Variants in PLXNA2 observed in about 807,000 individuals in gnomAD.
PLXNA2 encodes the protein plexin A2.
Under a neutral mutation model 193.5 loss-of-function variants are expected in PLXNA2, and 91 were observed. The ratio of observed to expected loss-of-function variants is 0.47; its 90% confidence interval spans 0.40 to 0.56. The LOEUF is 0.56. PLXNA2 is among the 20% of genes least tolerant of loss of function. The pLI, the probability that PLXNA2 is intolerant of heterozygous loss-of-function variation, is 0.00. For missense variants in PLXNA2, 1,995 were observed against 2,503.2 expected, an observed-to-expected ratio of 0.80 and a Z score of 4.33; for synonymous variants, 997 against 1,027.3, an observed-to-expected ratio of 0.97 and a Z score of 0.56.
At chr1:208,129,468 C>G (rs113145374) in intron 4 of PLXNA2, among the ~76,000 whole-genome samples, 1 of 152,208 alleles carries the variant, frequency 6.6e-6, no homozygotes, top group African/African-American at 2.4e-5. Flanking sequence ...GGCTGCTCAC[C>G]TGCATGCTGC....
At position 208,194,612 on chromosome 1, in the gene PLXNA2, G is replaced by C. The variant is rs145351025; in HGVS notation, c.1371+15668C>G. Among the ~76,000 whole-genome samples, 543 of 152,008 alleles carry C rather than the reference G, an allele frequency of 3.6e-3. 2 individuals are homozygous for C. The highest frequency in any genetic ancestry group is 0.013 in the African/African-American group (522 of 41,460). ...GATGTGGAGTCCAAAACCAAATAAG[G>C]AAAAGAAAAAGAACACCATTACCTC... On this transcript the variant is annotated intron_variant, in intron 3 of 31. Coordinates refer to ENST00000367033, the MANE Select transcript of PLXNA2 (RefSeq NM_025179.4).
intron 18 of PLXNA2, among the ~76,000 whole-genome samples, chr1:208,045,560 T>C (rs571891885): frequency 6.6e-6 from 1 of 152,276 alleles, no homozygotes; most frequent in African/African-American, 2.4e-5. Flanking sequence ...TCTGGAAATG[T>C]GTGTGTGGGC....
intron 3 of PLXNA2, among the ~76,000 whole-genome samples, chr1:208,162,364 T>A (rs978681769): frequency 1.3e-5 from 2 of 152,232 alleles, no homozygotes; most frequent in African/African-American, 4.8e-5. Flanking sequence ...ACCTGGGTAT[T>A]ACATTCCTGA....
chr1:208,028,746 C>T lies in PLXNA2; in HGVS notation c.5438+84G>A. 1 of 1,274,436 alleles carries T rather than the reference C, an allele frequency of 7.8e-7. No homozygotes were observed. The highest frequency in any genetic ancestry group is 1.5e-5 in the African/African-American group (1 of 67,508). The allele number at this position is 1,274,436 out of a possible 1,614,324, so 78.9% of individuals were successfully genotyped here. A position where few individuals can be genotyped will look rare whatever the true frequency, so the allele number is the denominator to read the frequency against. On this transcript the variant is annotated intron_variant, in intron 30 of 31. Transcript: ENST00000367033. This position sits in a 1 kb window ranked among gnomAD's most constrained non-coding sequence, Gnocchi z 4.2. ...CTGAAGAGATGACAGACACCGTCGT[C>T]TGAGTCCTTAGTCAGTGATGACTAT...
chr1:208,227,245 T>C (rs570047127), intron 1 of PLXNA2, among the ~76,000 whole-genome samples: 148 of 152,290 alleles, frequency 9.7e-4, no homozygotes, highest in African/African-American at 3.5e-3. Context: ...AAAAAAACTA[T>C]GAAGAGTAGC....
intron 29 of PLXNA2, 64 bp from the exon 30 acceptor site, chr1:208,029,106 G>C: frequency 6.3e-7 from 1 of 1,590,690 alleles, no homozygotes; most frequent in African/African-American, 1.3e-5. Flanking sequence ...GCTGCCCACT[G>C]ATATTCTTCC....
intron 22 of PLXNA2, among the ~76,000 whole-genome samples, chr1:208,041,349 C>T (rs1177451660): frequency 1.3e-5 from 2 of 152,126 alleles, no homozygotes; most frequent in Admixed American, 6.5e-5. Flanking sequence ...CGGCTCCCCA[C>T]GGCCTCTAGA....
At chr1:208,047,460 G>T (rs1665116518) in intron 17 of PLXNA2, among the ~76,000 whole-genome samples, 1 of 141,420 alleles carries the variant, frequency 7.1e-6, no homozygotes, top group Non-Finnish European at 1.6e-5. Flanking sequence ...TCCTGTGGAG[G>T]TTTAGTTCTG....
intron 3 of PLXNA2, among the ~76,000 whole-genome samples, chr1:208,190,042 C>A (rs961747697): frequency 6.6e-6 from 1 of 152,152 alleles, no homozygotes; most frequent in African/African-American, 2.4e-5. Context: ...AATTACCACC[C>A]ACACCGAAGT....
At chr1:208,050,689 T>C (rs1423975566) in intron 17 of PLXNA2, among the ~76,000 whole-genome samples, 1 of 151,806 alleles carries the variant, frequency 6.6e-6, no homozygotes, top group Non-Finnish European at 1.5e-5. Context: ...AATAATAAAC[T>C]AGCCAAGCAT....
At chr1:208,184,852 G>C (rs532850133) in intron 3 of PLXNA2, among the ~76,000 whole-genome samples, 35 of 152,218 alleles carry the variant, frequency 2.3e-4, no homozygotes, top group South Asian at 1.5e-3. Context: ...AGGCTTAAGC[G>C]GGGGGCCAGC....
At chr1:208,116,473 G>T (rs1003680685) in intron 4 of PLXNA2, among the ~76,000 whole-genome samples, 4 of 152,228 alleles carry the variant, frequency 2.6e-5, no homozygotes, top group African/African-American at 9.6e-5. Flanking sequence ...CTATGCTAAA[G>T]TTCTCTAGGT....
Position 208,139,075 on chromosome 1 carries a change from T to A in PLXNA2, c.1506+3254A>T, listed in dbSNP as rs189612630. 1.9e-3 allele frequency among the ~76,000 whole-genome samples: 295 copies of A among 152,288 alleles called. 2 individuals are homozygous for A. The highest frequency in any genetic ancestry group is 5.3e-3 in the African/African-American group (222 of 41,568). ...AAATAAAAAATTTTAAAATTAAAAA[T>A]TGAAAAAGAGAACACTGCTTTTGGT... On this transcript the variant is annotated intron_variant, in intron 4 of 31. Transcript: ENST00000367033.
At chr1:208,191,240 C>A (rs1240913750) in intron 3 of PLXNA2, among the ~76,000 whole-genome samples, 2 of 152,218 alleles carry the variant, frequency 1.3e-5, no homozygotes, top group African/African-American at 2.4e-5. Context: ...CACACATCTG[C>A]AAGCGCCTTT....
intron 3 of PLXNA2, among the ~76,000 whole-genome samples, chr1:208,146,016 C>G (rs986728638): frequency 1.3e-5 from 2 of 152,074 alleles, no homozygotes; most frequent in South Asian, 4.1e-4. Flanking sequence ...TTTCAAGATA[C>G]GTATAGGGGG....
chr1:208,218,517 C>A (rs1671220799), intron 1 of PLXNA2, among the ~76,000 whole-genome samples: 1 of 152,240 alleles, frequency 6.6e-6, no homozygotes, highest in Non-Finnish European at 1.5e-5. Context: ...CATCACCTCA[C>A]TCCGCTGCAT....
chr1:208,145,873 G>C (rs919604976), intron 3 of PLXNA2, among the ~76,000 whole-genome samples: 1 of 152,170 alleles, frequency 6.6e-6, no homozygotes, highest in African/African-American at 2.4e-5. Context: ...AATGTTGTTG[G>C]TACTGAACCC....
chr1:208,027,192 G>C lies in PLXNA2; in HGVS notation c.*51C>G, dbSNP rs749132000. 6.8e-7 allele frequency: 1 copy of C among 1,476,438 alleles called. No homozygotes were observed. Among genetic ancestry groups the C allele is most frequent in the Middle Eastern group, 2.0e-4 (1 of 4,896 alleles). 91.5% of individuals were successfully genotyped at this position (1,476,438 alleles called of 1,614,324 possible). A position where few individuals can be genotyped will look rare whatever the true frequency, so the allele number is the denominator to read the frequency against. On this transcript the variant is annotated 3_prime_UTR_variant, in exon 32 of 32. Transcript: ENST00000367033. ...CTTGTCCTTCCATCTGAGACTCCCA[G>C]TGTGACAGCTTGGACAGGTCCCTCT...
Position 208,092,825 on chromosome 1 carries a change from G to T in PLXNA2, c.2058C>A (p.Thr686=). 1 of 1,613,984 alleles carries T rather than the reference G, an allele frequency of 6.2e-7. No homozygotes were observed. The highest frequency in any genetic ancestry group is 8.5e-7 in the Non-Finnish European group (1 of 1,179,910). Residue 686 remains threonine, a synonymous_variant, in exon 9 of 32, where the codon ACC becomes ACA. Coordinates refer to ENST00000367033, the MANE Select transcript of PLXNA2 (RefSeq NM_025179.4). The part of the protein sequence containing the change: ...KYRNLCTHDP[T]TCSFQEGRIN... ...TCCGGCCCTCCTGGAAGGAGCAGGTGGTGGGGTCATGAGTGCAGAGGTTGC... is the reference window on the plus strand; with the variant it reads ...TCCGGCCCTCCTGGAAGGAGCAGGTTGTGGGGTCATGAGTGCAGAGGTTGC...
Sources: allele counts gnomAD v4.1 joint callset (sites outside exome capture counted in the v4.1 genomes callset), GRCh38; gene constraint gnomAD v4.1.1; non-coding constraint Gnocchi (gnomAD v3.1); transcripts MANE v1.5; gene names NCBI Gene and HGNC (gene_info 2026-07-23, HGNC 2026-07-21).